The following URB1 variants were observed in gnomAD, a reference collection of about 807,000 sequenced individuals.
URB1 encodes URB1 ribosome biogenesis factor, also known as nucleolar pre-ribosomal-associated protein 1.
URB1 carries 197 observed loss-of-function variants against 242.3 expected under a neutral mutation model. That is an observed-to-expected ratio of 0.81 (90% CI 0.72 to 0.91). The LOEUF (loss-of-function observed/expected upper bound fraction) is 0.91. URB1 is among the 40% of genes least tolerant of loss of function. URB1 has a pLI of 0.00. For synonymous variants in URB1, 1,153 were observed against 1,201.8 expected, an observed-to-expected ratio of 0.96 and a Z score of 0.84; for missense variants, 2,721 against 2,860.5, an observed-to-expected ratio of 0.95 and a Z score of 1.11.
rs1429463787 is a variant in URB1 at position 32,375,403 on chromosome 21, T to C, written c.745A>G (p.Thr249Ala). ...TINILLSTLKTKVVHNKNITK... is the reference protein window; with the variant it reads ...TINILLSTLKAKVVHNKNITK... The stretch of plus-strand genomic sequence containing the variant: ...GCGGATCACCAAGCACATACCTTTG[T>C]TTTCAGTGTGGATAATAAAATATTG... Residue 249 changes from threonine (T) to alanine (A), a missense_variant, in exon 6 of 39, where the codon ACA becomes GCA. Coordinates refer to ENST00000382751, the MANE Select transcript of URB1 (RefSeq NM_014825.3). 6.6e-7 allele frequency: 1 copy of C among 1,524,068 alleles called. No homozygotes were observed. The allele number at this position is 1,524,068 out of a possible 1,614,324, so 94.4% of individuals were successfully genotyped here.
chr21:32,330,911 A>G (rs1421569004), intron 30 of URB1, among the ~76,000 whole-genome samples: 2 of 152,178 alleles, frequency 1.3e-5, no homozygotes, highest in African/African-American at 4.8e-5. Context: ...AGCCAACACA[A>G]AGGCCTATTG....
intron 5 of URB1, among the ~76,000 whole-genome samples, chr21:32,376,732 G>C (rs2033463271): frequency 6.6e-6 from 1 of 152,086 alleles, no homozygotes; most frequent in Non-Finnish European, 1.5e-5. Context: ...TGACATCCCA[G>C]GCTCAAGCAA....
In URB1 at chr21:32,334,192, G is replaced by A; in HGVS notation, c.4828C>T (p.Pro1610Ser). The A allele has an allele frequency of 1.3e-6, 2 of 1,549,856 alleles. No homozygotes were observed. The highest frequency in any genetic ancestry group is 8.7e-7 in the Non-Finnish European group (1 of 1,145,598). ...GGGGGCAGCAGCCTCCGGTTCTGGG[G>A]GAAGTGCAGGATGGTCTGCATCATC... ...DRMMQTILHF[P>S]QNRRLLPPED... Residue 1610 changes from proline to serine, a missense_variant, in exon 29 of 39, where the codon CCC becomes TCC. Transcript: ENST00000382751.
At chr21:32,347,923 C>T (rs2033112331) in intron 21 of URB1, 112 bp from the exon 22 acceptor site, 2 of 1,414,902 alleles carry the variant, frequency 1.4e-6, no homozygotes, top group Admixed American at 2.7e-5. Context: ...GCAGAAGGCC[C>T]CTTTCCTAAT....
chr21:32,362,509 T>C (rs1188203024), intron 11 of URB1, among the ~76,000 whole-genome samples: 1 of 152,160 alleles, frequency 6.6e-6, no homozygotes, highest in Non-Finnish European at 1.5e-5. Context: ...CGCCCAACCA[T>C]GTTCTGCAGT....
chr21:32,314,489 ATAAACTT>A lies in URB1; in HGVS notation c.*422_*428del. On this transcript the variant is annotated 3_prime_UTR_variant, in exon 39 of 39. Coordinates refer to ENST00000382751, the MANE Select transcript of URB1 (RefSeq NM_014825.3). ...CGTGAGCCACCTCACCTGCTGAAAA[ATAAACTT>A]TAAACATCTCTCTTCGTTTTCATAA... The A allele has an allele frequency of 2.0e-6, 3 of 1,519,930 alleles. No homozygotes were observed. Among genetic ancestry groups the A allele is most frequent in the Non-Finnish European group, 2.7e-6 (3 of 1,094,952 alleles). The allele number at this position is 1,519,930 out of a possible 1,614,324, so 94.2% of individuals were successfully genotyped here.
intron 8 of URB1, among the ~76,000 whole-genome samples, chr21:32,369,688 T>C (rs532212187): frequency 1.3e-5 from 2 of 152,280 alleles, no homozygotes; most frequent in South Asian, 2.1e-4. Context: ...CATTAAATTA[T>C]TTCTTGACAA....
intron 17 of URB1, 87 bp from the exon 18 acceptor site, chr21:32,354,190 ACGTG>A: frequency 6.8e-7 from 1 of 1,478,584 alleles, no homozygotes; most frequent in Non-Finnish European, 9.1e-7. Flanking sequence ...GAAGCAGAAT[ACGTG>A]CAAAAAGAAA....
rs1568837944 is a variant in URB1 at position 32,393,006 on chromosome 21, G to A, written c.-96C>T. On this transcript the variant is annotated 5_prime_UTR_variant, in exon 1 of 39. Transcript: ENST00000382751. ...GCAGACACGCGCTTCAGGCCCACAT[G>A]GCGCAGGAAGAGGCGGGGCTGGCGG... The A allele has an allele frequency of 1.5e-6, 2 of 1,378,622 alleles. No homozygotes were observed. The highest frequency in any genetic ancestry group is 1.9e-6 in the Non-Finnish European group (2 of 1,057,250). The allele number at this position is 1,378,622 out of a possible 1,614,324, so 85.4% of individuals were successfully genotyped here.
chr21:32,354,193 T>A, intron 17 of URB1, 90 bp from the exon 18 acceptor site: 2 of 1,466,054 alleles, frequency 1.4e-6, no homozygotes, highest in Non-Finnish European at 9.1e-7. Flanking sequence ...GCAGAATACG[T>A]GCAAAAAGAA....
chr21:32,374,693 G>A (rs893261550), intron 6 of URB1, among the ~76,000 whole-genome samples: 5 of 152,278 alleles, frequency 3.3e-5, no homozygotes, highest in East Asian at 3.9e-4. Flanking sequence ...TGTTATGGGG[G>A]CCATCCTGGG....
intron 36 of URB1, among the ~76,000 whole-genome samples, chr21:32,318,296 G>C (rs1951618104): frequency 6.6e-6 from 1 of 152,138 alleles, no homozygotes; most frequent in South Asian, 2.1e-4. Context: ...GAAAAACCCA[G>C]GGAGGCCCTG....
Position 32,392,824 on chromosome 21 carries a change from CTCT to C in URB1, c.84_86del (p.Glu29del). 3.9e-6 allele frequency: 6 copies of C among 1,532,558 alleles called. No individual in the cohort carries two copies. Among genetic ancestry groups the C allele is most frequent in the African/African-American group, 1.4e-5 (1 of 72,558 alleles). The allele number at this position is 1,532,558 out of a possible 1,614,324, so 94.9% of individuals were successfully genotyped here. On this transcript the variant is annotated inframe_deletion, in exon 1 of 39. Coordinates refer to ENST00000382751, the MANE Select transcript of URB1 (RefSeq NM_014825.3). ...GAGCCTTGAACCGCACGCCCGTGAG[CTCT>C]TCTTTGCGGGCGCGCTTGGCTGCAC...
intron 15 of URB1, among the ~76,000 whole-genome samples, chr21:32,357,314 T>TAAAA (rs76266853): frequency 3.8e-5 from 3 of 79,308 alleles, no homozygotes; most frequent in African/African-American, 4.6e-5. Context: ...ATGACCTACC[T>TAAAA]AAAAAAAAAA....
intron 2 of URB1, 32 bp from the exon 3 acceptor site, chr21:32,384,496 C>T (rs1421171092): frequency 5.8e-6 from 9 of 1,542,900 alleles, no homozygotes; most frequent in Non-Finnish European, 7.9e-6. Flanking sequence ...GCTTAGAAAT[C>T]GTCTCATTTC....
chr21:32,361,766 A>C (rs1432097953), intron 12 of URB1, 126 bp downstream of exon 12: 1 of 1,347,776 alleles, frequency 7.4e-7, no homozygotes, highest in African/African-American at 1.5e-5. Context: ...AGACACATTC[A>C]CAGCCAGAGG....
intron 24 of URB1, among the ~76,000 whole-genome samples, chr21:32,344,284 T>C (rs1467493987): frequency 2.0e-5 from 3 of 152,244 alleles, no homozygotes; most frequent in Non-Finnish European, 4.4e-5. Context: ...TAATTCATCT[T>C]ATTGGTAGAC....
chr21:32,314,331 T>G lies in URB1; in HGVS notation c.*587A>C, dbSNP rs2032643242. 1 of 451,238 alleles carries G rather than the reference T, an allele frequency of 2.2e-6. No individual in the cohort carries two copies. Among genetic ancestry groups the G allele is most frequent in the African/African-American group, 2.0e-5 (1 of 50,032 alleles). 28.0% of individuals were successfully genotyped at this position (451,238 alleles called of 1,614,324 possible). On this transcript the variant is annotated 3_prime_UTR_variant, in exon 39 of 39. Transcript: ENST00000382751. ...TCCCGAGTAGCTGGAATTACAGGTG[T>G]GCGCTACCATGCCTGGCTAATTTTT...
intron 33 of URB1, 69 bp from the exon 34 acceptor site, chr21:32,322,013 C>G: frequency 3.3e-6 from 5 of 1,522,568 alleles, no homozygotes; most frequent in Non-Finnish European, 3.5e-6. Context: ...ACTGTTCAAA[C>G]ACCACTATTT....
Sources: gnomAD v4.1 joint callset for allele counts (sites outside exome capture counted in the v4.1 genomes callset) on GRCh38, gnomAD v4.1.1 for gene constraint, MANE v1.5 for transcripts, NCBI Gene and HGNC (gene_info 2026-07-23, HGNC 2026-07-21) for gene names.